TBC1D5: variants seen among roughly 807,000 people sequenced by gnomAD.
TBC1D5 encodes TBC1 domain family, member 5.
TBC1D5 carries 75 observed loss-of-function variants against 100.3 expected under a neutral mutation model. The ratio of observed to expected loss-of-function variants is 0.75; its 90% CI spans 0.62 to 0.91. The LOEUF (loss-of-function observed/expected upper bound fraction) is 0.91, where lower values mean the gene tolerates loss of function less well. TBC1D5 is among the 40% of genes least tolerant of loss of function. The pLI, the probability that TBC1D5 is intolerant of heterozygous loss-of-function variation, is 0.00. For synonymous variants in TBC1D5, 323 were observed against 325.6 expected, an observed-to-expected ratio of 0.99 and a Z score of 0.09; for missense variants, 910 against 942.4, an observed-to-expected ratio of 0.97 and a Z score of 0.45.
intron 13 of TBC1D5, among the ~76,000 whole-genome samples, chr3:17,313,048 TC>T (rs2084232921): frequency 1.3e-5 from 2 of 152,154 alleles, no homozygotes; most frequent in Admixed American, 1.3e-4. Flanking sequence ...ACCAGGAAAT[TC>T]CAATAAAGCT....
At chr3:17,203,740 G>A (rs1025316009) in intron 18 of TBC1D5, among the ~76,000 whole-genome samples, 5 of 152,044 alleles carry the variant, frequency 3.3e-5, no homozygotes, top group African/African-American at 4.8e-5. Context: ...TTTGCCTTCC[G>A]CCAAGATTGT....
intron 1 of TBC1D5, among the ~76,000 whole-genome samples, chr3:17,703,449 T>G (rs2073493013): frequency 6.6e-6 from 1 of 152,138 alleles, no homozygotes; most frequent in South Asian, 2.1e-4. Flanking sequence ...TTAATATACT[T>G]TATAAGTAGA....
intron 1 of TBC1D5, among the ~76,000 whole-genome samples, chr3:17,693,186 T>C (rs1268180649): frequency 1.3e-5 from 2 of 152,184 alleles, no homozygotes; most frequent in Non-Finnish European, 2.9e-5. Flanking sequence ...ACGGGTGATA[T>C]CTGCATTTCC....
chr3:17,514,789 A>G (rs909971280), intron 2 of TBC1D5, among the ~76,000 whole-genome samples: 5 of 152,204 alleles, frequency 3.3e-5, no homozygotes, highest in Admixed American at 6.5e-5. Flanking sequence ...AGCTCTCCAC[A>G]GTGTATTCTC....
chr3:17,221,792 G>C (rs1172433057), intron 17 of TBC1D5, among the ~76,000 whole-genome samples: 2 of 152,140 alleles, frequency 1.3e-5, no homozygotes, highest in African/African-American at 4.8e-5. Flanking sequence ...CTTTAGCCTA[G>C]AGAAACCTGT....
chr3:17,706,531 T>C (rs2074200592), intron 1 of TBC1D5, among the ~76,000 whole-genome samples: 1 of 152,182 alleles, frequency 6.6e-6, no homozygotes, highest in Non-Finnish European at 1.5e-5. Context: ...TACTGTATTA[T>C]AGAAGTATAA....
At chr3:17,185,386 G>A (rs1237738504) in intron 18 of TBC1D5, among the ~76,000 whole-genome samples, 178 bp from the exon 20 acceptor site, 1 of 151,982 alleles carries the variant, frequency 6.6e-6, no homozygotes, top group African/African-American at 2.4e-5. Context: ...ATAAAAAAAG[G>A]GTAAAATGGA....
chr3:17,417,628 T>G (rs1489292349), intron 4 of TBC1D5, among the ~76,000 whole-genome samples: 1 of 152,142 alleles, frequency 6.6e-6, no homozygotes, highest in Non-Finnish European at 1.5e-5. Context: ...TCTTTGCCAT[T>G]GTGAATAGTG....
chr3:17,530,146 A>T (rs1380082637), intron 2 of TBC1D5, among the ~76,000 whole-genome samples: 1 of 151,706 alleles, frequency 6.6e-6, no homozygotes, highest in African/African-American at 2.4e-5. Flanking sequence ...TGGGAGGCTA[A>T]GGAAGGAGAA....
At chr3:17,248,864 G>C (rs1419289449) in intron 16 of TBC1D5, among the ~76,000 whole-genome samples, 3 of 152,144 alleles carry the variant, frequency 2.0e-5, no homozygotes, top group African/African-American at 7.2e-5. Context: ...AGTGTAGCGA[G>C]CCCCCTTTAT....
chr3:17,456,768 T>TA (rs1056689895), intron 3 of TBC1D5, among the ~76,000 whole-genome samples: 2 of 151,946 alleles, frequency 1.3e-5, no homozygotes, highest in Non-Finnish European at 2.9e-5. Flanking sequence ...AATGAGTGAG[T>TA]AAAAAAATGT....
chr3:17,691,766 G>A (rs973575462), intron 1 of TBC1D5, among the ~76,000 whole-genome samples: 5 of 151,132 alleles, frequency 3.3e-5, no homozygotes, highest in African/African-American at 7.3e-5. Flanking sequence ...GCAGTGAGCC[G>A]AGATCGAGCC....
chr3:17,181,690 G>C (rs1394182385), intron 19 of TBC1D5, among the ~76,000 whole-genome samples: 1 of 152,156 alleles, frequency 6.6e-6, no homozygotes, highest in Admixed American at 6.5e-5. Flanking sequence ...TACATGCACT[G>C]AAGCCATCCA....
chr3:17,571,972 C>A (rs1304545110), intron 2 of TBC1D5, among the ~76,000 whole-genome samples: 1 of 152,006 alleles, frequency 6.6e-6, no homozygotes, highest in African/African-American at 2.4e-5. Context: ...ACCATTCCTG[C>A]CAACACAAGG....
intron 13 of TBC1D5, among the ~76,000 whole-genome samples, chr3:17,339,428 C>A (rs533152769): frequency 2.6e-5 from 4 of 152,148 alleles, no homozygotes; most frequent in Non-Finnish European, 5.9e-5. Flanking sequence ...ACGTGGCATC[C>A]GGTCTGACTG....
At chr3:17,236,274 G>A (rs1043801595) in intron 17 of TBC1D5, among the ~76,000 whole-genome samples, 1 of 152,092 alleles carries the variant, frequency 6.6e-6, no homozygotes, top group Non-Finnish European at 1.5e-5. Context: ...ACTGACTACA[G>A]CTTGTTATCA....
chr3:17,653,073 A>G (rs973960924), intron 1 of TBC1D5, among the ~76,000 whole-genome samples: 1 of 152,334 alleles, frequency 6.6e-6, no homozygotes, highest in East Asian at 1.9e-4. Flanking sequence ...TTCCACTTAC[A>G]TGAAATATCT....
At chr3:17,360,474 T>C (rs1014803198) in intron 13 of TBC1D5, among the ~76,000 whole-genome samples, 3 of 151,978 alleles carry the variant, frequency 2.0e-5, no homozygotes, top group Non-Finnish European at 4.4e-5. Context: ...TATATATATA[T>C]ACCTAGAATG....
chr3:17,692,289 G>A (rs1009349582), intron 1 of TBC1D5, among the ~76,000 whole-genome samples: 4 of 151,884 alleles, frequency 2.6e-5, no homozygotes, highest in African/African-American at 4.8e-5. Context: ...ACGGGATTTC[G>A]CCATGTTGGC....
Sources: gnomAD v4.1 joint callset for allele counts (sites outside exome capture counted in the v4.1 genomes callset) on GRCh38, gnomAD v4.1.1 for gene constraint, MANE v1.5 for transcripts, NCBI Gene and HGNC (gene_info 2026-07-23, HGNC 2026-07-21) for gene names.